MYT1L: variants seen among roughly 807,000 people sequenced by gnomAD.
MYT1L encodes the protein myelin transcription factor 1-like protein.
In MYT1L, 12 loss-of-function variants were observed where a neutral mutation model predicts 126.7. That is an observed-to-expected ratio of 0.09 (90% CI 0.06 to 0.15). The LOEUF is 0.15. Ranked by LOEUF, MYT1L falls within the 10% of genes least tolerant of loss-of-function variation. The pLI, the probability that MYT1L is intolerant of heterozygous loss-of-function variation, is 1.00. For synonymous variants in MYT1L, 541 were observed against 604.2 expected (o/e 0.90, Z 1.53); for missense variants, 979 against 1,585.2 (o/e 0.62, Z 6.49).
At chr2:1,939,446 G>A (rs1425166735) in intron 9 of MYT1L, among the ~76,000 whole-genome samples, 2 of 152,180 alleles carry the variant, frequency 1.3e-5, no homozygotes, top group African/African-American at 4.8e-5. Flanking sequence ...GAGGACAAAA[G>A]GACGTCTCTG....
intron 2 of MYT1L, among the ~76,000 whole-genome samples, chr2:2,178,896 T>C (rs80280762): frequency 0.1 from 15,406 of 152,156 alleles, 755 homozygotes; most frequent in East Asian, 0.13. Flanking sequence ...GAAAAGTAGT[T>C]TAAGGAAATC....
At chr2:1,821,949 T>C (rs1483854313) in intron 21 of MYT1L, among the ~76,000 whole-genome samples, 1 of 152,222 alleles carries the variant, frequency 6.6e-6, no homozygotes, top group African/African-American at 2.4e-5. Context: ...AGGAGGCCTG[T>C]GGCAGGGCAT....
At chr2:2,306,997 C>T (rs2095867665) in intron 1 of MYT1L, among the ~76,000 whole-genome samples, 2 of 152,142 alleles carry the variant, frequency 1.3e-5, no homozygotes, top group South Asian at 2.1e-4. Flanking sequence ...GGAAAAGTGG[C>T]ATTTTAACCA....
intron 4 of MYT1L, among the ~76,000 whole-genome samples, chr2:2,004,611 ATTCTTTCCTGTGTGCC>A (rs1254243459): frequency 5.9e-5 from 5 of 84,966 alleles, no homozygotes; most frequent in African/African-American, 1.5e-4. Context: ...TCCTGCAGGC[ATTCTTTCCTGTGTGCC>A]TTCTTTCCTG....
intron 18 of MYT1L, 39 bp downstream of exon 18, chr2:1,886,500 A>T: frequency 6.8e-7 from 1 of 1,464,878 alleles, no homozygotes; most frequent in Non-Finnish European, 9.2e-7. Flanking sequence ...TACTGAGTGC[A>T]TGGATTTTTA....
intron 1 of MYT1L, among the ~76,000 whole-genome samples, chr2:2,321,917 A>G (rs2096174164): frequency 1.3e-5 from 2 of 152,322 alleles, no homozygotes; most frequent in East Asian, 1.9e-4. Flanking sequence ...TTTCAACTAT[A>G]TTAATGAGTG....
At chr2:1,900,855 G>A (rs1464496414) in intron 14 of MYT1L, among the ~76,000 whole-genome samples, 1 of 152,090 alleles carries the variant, frequency 6.6e-6, no homozygotes, top group African/African-American at 2.4e-5. Flanking sequence ...CTAGGGGGTC[G>A]GCTGCAAAGC....
intron 8 of MYT1L, among the ~76,000 whole-genome samples, chr2:1,954,351 G>C (rs764582956): frequency 6.6e-6 from 1 of 152,182 alleles, no homozygotes; most frequent in East Asian, 1.9e-4. Flanking sequence ...CCACAGTCAC[G>C]TAGAATAACG....
At chr2:2,186,792 A>G (rs1379469488) in intron 2 of MYT1L, among the ~76,000 whole-genome samples, 1 of 152,238 alleles carries the variant, frequency 6.6e-6, no homozygotes, top group African/African-American at 2.4e-5. Flanking sequence ...CAATTCGAAA[A>G]TATTGTAAAC....
At chr2:2,052,676 C>T (rs2068978276) in intron 4 of MYT1L, among the ~76,000 whole-genome samples, 1 of 152,276 alleles carries the variant, frequency 6.6e-6, no homozygotes, top group Non-Finnish European at 1.5e-5. Flanking sequence ...AGATGCTTAA[C>T]ACCACTAATA....
intron 2 of MYT1L, among the ~76,000 whole-genome samples, chr2:2,198,603 A>G (rs2092925149): frequency 6.6e-6 from 1 of 151,846 alleles, no homozygotes; most frequent in Non-Finnish European, 1.5e-5. Context: ...TCATGCCTGT[A>G]ATCCCAGCAC....
intron 9 of MYT1L, among the ~76,000 whole-genome samples, chr2:1,924,459 T>G (rs2053961541): frequency 6.6e-6 from 1 of 152,168 alleles, no homozygotes; most frequent in Non-Finnish European, 1.5e-5. Context: ...TATTAACAAT[T>G]TAAAGAAATG....
chr2:2,121,041 G>A (rs1020715479), intron 3 of MYT1L, among the ~76,000 whole-genome samples: 4 of 152,202 alleles, frequency 2.6e-5, no homozygotes, highest in Admixed American at 2.0e-4. Flanking sequence ...ACCCTTGCTC[G>A]GCGGAAGTCA....
chr2:2,137,302 C>A (rs1437728706), intron 3 of MYT1L, among the ~76,000 whole-genome samples: 1 of 152,170 alleles, frequency 6.6e-6, no homozygotes, highest in Non-Finnish European at 1.5e-5. Flanking sequence ...CCTCATCAAG[C>A]TACCAATGAC....
chr2:2,105,956 A>T (rs1249447377), intron 3 of MYT1L, among the ~76,000 whole-genome samples: 1 of 152,224 alleles, frequency 6.6e-6, no homozygotes, highest in African/African-American at 2.4e-5. Context: ...GTGATTCATT[A>T]GGATAACCAG....
In MYT1L at chr2:1,922,023, A is replaced by G. The variant is rs2053629174; in HGVS notation, c.1483+263T>C. Among the ~76,000 whole-genome samples, 2 of 152,216 alleles carry G rather than the reference A, an allele frequency of 1.3e-5. No homozygotes were observed. The highest frequency in any genetic ancestry group is 2.9e-5 in the Non-Finnish European group (2 of 68,026). On this transcript the variant is annotated intron_variant, in intron 10 of 24. Transcript: ENST00000647738. This position sits in a 1 kb window ranked among gnomAD's most constrained non-coding sequence, Gnocchi z 7.4. ...GTCTGTGCTTTACCCCTGTCTTCCCAAGGAATGCATTTCCCACTGAAATAT... is the reference window on the plus strand; with the variant it reads ...GTCTGTGCTTTACCCCTGTCTTCCCGAGGAATGCATTTCCCACTGAAATAT...
intron 3 of MYT1L, among the ~76,000 whole-genome samples, chr2:2,055,257 T>C (rs1313370487): frequency 6.6e-6 from 1 of 152,214 alleles, no homozygotes; most frequent in Non-Finnish European, 1.5e-5. Flanking sequence ...ATAGCTTATA[T>C]CATCAGCGGG....
At chr2:1,893,315 G>C (rs1008276455) in intron 14 of MYT1L, among the ~76,000 whole-genome samples, 28 of 152,198 alleles carry the variant, frequency 1.8e-4, no homozygotes, top group Non-Finnish European at 3.4e-4. Flanking sequence ...CATTTCTCTT[G>C]GAATCCAGCA....
intron 9 of MYT1L, among the ~76,000 whole-genome samples, chr2:1,936,061 T>C (rs2055837565): frequency 6.6e-6 from 1 of 152,224 alleles, no homozygotes; most frequent in African/African-American, 2.4e-5. Context: ...TAGCTGGGAT[T>C]GCAGGCATGT....
Sources: gnomAD v4.1 joint callset for allele counts (sites outside exome capture counted in the v4.1 genomes callset) on GRCh38, gnomAD v4.1.1 for gene constraint, Gnocchi (gnomAD v3.1) non-coding constraint, MANE v1.5 for transcripts, NCBI Gene and HGNC (gene_info 2026-07-23, HGNC 2026-07-21) for gene names.